The following ELL2 variants were observed in gnomAD, a reference collection of about 807,000 sequenced individuals.
ELL2 encodes elongation factor for RNA polymerase II 2, also known as RNA polymerase II elongation factor ELL2.
In ELL2, 21 loss-of-function variants were observed where a neutral mutation model predicts 72.8. That is an observed-to-expected ratio of 0.29 (90% CI 0.20 to 0.42). ELL2 has a LOEUF of 0.42. Ranked by LOEUF, ELL2 falls within the 10% of genes least tolerant of loss-of-function variation. ELL2 has a pLI of 1.00. For synonymous variants in ELL2, 266 were observed against 283.2 expected (o/e 0.94, Z 0.61); for missense variants, 568 against 772.8 (o/e 0.73, Z 3.14).
At position 95,950,902 on chromosome 5, in the gene ELL2, GTGTATATATATATATATATATATATA is replaced by G. The variant is rs1337891593; in HGVS notation, c.148-7879_148-7854del. ...TATATATATATATGTATGTATGTAT[GTGTATATATATATATATATATATATA>G]TATATATATATATATATATATATAT... On this transcript the variant is annotated intron_variant, in intron 1 of 11. Transcript: ENST00000237853. Among the ~76,000 whole-genome samples the G allele has an allele frequency of 7.6e-4, 57 of 75,034 alleles. 1 individual carries two copies. Among genetic ancestry groups the G allele is most frequent in the African/African-American group, 2.1e-3 (48 of 23,382 alleles). 49.2% of individuals were successfully genotyped at this position (75,034 alleles called of 152,430 possible).
In ELL2 at chr5:95,961,678, T is replaced by C. The variant is rs1214207672; in HGVS notation, c.44A>G (p.Tyr15Cys). ...GTGGLREEQR[Y>C]GLSCGRLGQD... ...CCCCAGCCGTCCGCACGACAGCCCA[T>C]AGCGCTGCTCCTCCCGCAGGCCCCC... The change falls in exon 1 of 12, where the codon TAT becomes TGT. Residue 15 changes from tyrosine (Y) to cysteine (C), a missense_variant. Around this residue, in one of 2 missense-constraint regions of ELL2, gnomAD observed 57 missense variants for 44.4 expected, o/e 1.28. Coordinates refer to ENST00000237853, the MANE Select transcript of ELL2 (RefSeq NM_012081.6). 4.4e-6 allele frequency: 7 copies of C among 1,606,912 alleles called. No individual in the cohort carries two copies. Among genetic ancestry groups the C allele is most frequent in the Admixed American group, 3.4e-5 (2 of 59,592 alleles).
intron 5 of ELL2, among the ~76,000 whole-genome samples, chr5:95,903,410 A>AGTTTCACCATGT (rs1265239529): frequency 1.3e-5 from 2 of 150,934 alleles, no homozygotes; most frequent in African/African-American, 4.9e-5. Context: ...GTAGAGACAG[A>AGTTTCACCATGT]GTTTCACCAT....
intron 2 of ELL2, among the ~76,000 whole-genome samples, chr5:95,937,147 G>A (rs945721244): frequency 3.3e-5 from 5 of 152,310 alleles, no homozygotes; most frequent in Non-Finnish European, 7.4e-5. Context: ...GTGAAGGACA[G>A]AGCAGGGTGA....
chr5:95,961,533 G>A (rs1042975230), intron 1 of ELL2, 42 bp downstream of exon 1: 1 of 1,509,544 alleles, frequency 6.6e-7, no homozygotes, highest in Non-Finnish European at 8.9e-7. Context: ...TGAGGGGTGC[G>A]CTCTGCCTCT....
chr5:95,915,875 G>T (rs1418384167), intron 3 of ELL2, among the ~76,000 whole-genome samples: 1 of 152,066 alleles, frequency 6.6e-6, no homozygotes, highest in Non-Finnish European at 1.5e-5. Context: ...CATCACAAAG[G>T]GCTCTGAGGG....
At position 95,900,752 on chromosome 5, in the gene ELL2, C is replaced by T. The variant is rs781410026; in HGVS notation, c.895G>A (p.Gly299Ser). 7.5e-6 allele frequency: 12 copies of T among 1,609,264 alleles called. No individual in the cohort carries two copies. The South Asian group carries it at 1.0e-4, about 13-fold the overall frequency. ...RKLNPSQNAAGTSRSESPVCS... is the reference protein window; with the variant it reads ...RKLNPSQNAASTSRSESPVCS... ...ACAGGAGATTCTGAACGGCTGGTGC[C>T]TGCAGCATTCTGAGACGGATTTAGT... is the stretch of plus-strand genomic sequence containing the variant. The change falls in exon 7 of 12, where the codon GGC becomes AGC. Residue 299 changes from glycine (G) to serine (S), a missense_variant. This residue lies in a region of ELL2 where 511 missense variants were observed against 728.4 expected (regional missense o/e 0.70). Coordinates refer to ENST00000237853, the MANE Select transcript of ELL2 (RefSeq NM_012081.6).
chr5:95,905,042 C>T (rs1350646117), intron 5 of ELL2, among the ~76,000 whole-genome samples: 1 of 152,044 alleles, frequency 6.6e-6, no homozygotes, highest in Non-Finnish European at 1.5e-5. Flanking sequence ...ATATGAGTGC[C>T]TAGGCCCCAC....
At chr5:95,903,094 T>A (rs1749202999) in intron 5 of ELL2, among the ~76,000 whole-genome samples, 1 of 151,740 alleles carries the variant, frequency 6.6e-6, no homozygotes, top group African/African-American at 2.4e-5. Context: ...CTGGCAATGC[T>A]TCCATTTTCT....
chr5:95,944,563 G>A (rs972234958), intron 1 of ELL2, among the ~76,000 whole-genome samples: 22 of 152,114 alleles, frequency 1.4e-4, no homozygotes, highest in Middle Eastern at 3.2e-3. Context: ...TTCTTAAGGC[G>A]AAAAATGCCA....
chr5:95,944,943 T>C (rs1751100216), intron 1 of ELL2, among the ~76,000 whole-genome samples: 2 of 152,216 alleles, frequency 1.3e-5, no homozygotes, highest in African/African-American at 4.8e-5. Flanking sequence ...ATATCCCCAC[T>C]GGATATCCAT....
chr5:95,950,467 GAAAT>G (rs1751330984), intron 1 of ELL2, among the ~76,000 whole-genome samples: 1 of 152,138 alleles, frequency 6.6e-6, no homozygotes. Context: ...TGATCCTGAA[GAAAT>G]AAAATACACT....
At chr5:95,916,988 C>T (rs1021325655) in intron 3 of ELL2, among the ~76,000 whole-genome samples, 5 of 152,194 alleles carry the variant, frequency 3.3e-5, no homozygotes, top group African/African-American at 7.2e-5. Context: ...GCAAAACAAA[C>T]GGAGCTAAAC....
chr5:95,937,635 C>T (rs371452998), intron 2 of ELL2, among the ~76,000 whole-genome samples: 5 of 151,940 alleles, frequency 3.3e-5, no homozygotes, highest in African/African-American at 1.2e-4. Context: ...AGGTGTAATT[C>T]AGCAAAAATA....
At chr5:95,959,389 G>A (rs1431752845) in intron 1 of ELL2, among the ~76,000 whole-genome samples, 2 of 152,076 alleles carry the variant, frequency 1.3e-5, no homozygotes, top group Admixed American at 6.6e-5. Context: ...TGGGCCTCTG[G>A]GTTTTCTCTT....
Position 95,891,173 on chromosome 5 carries a change from G to A in ELL2, c.1691C>T (p.Thr564Ile), listed in dbSNP as rs1215343376. The A allele has an allele frequency of 2.5e-6, 4 of 1,614,016 alleles. No individual in the cohort carries two copies. The highest frequency in any genetic ancestry group is 3.4e-6 in the Non-Finnish European group (4 of 1,180,032). ...EYRALHARME[T>I]VARRFIKLDA... ...TAGTTTGATAAATCTTCTAGCTACAGTCTCCATCCTGGCATGCAAAGCTCT... is the reference window on the plus strand; with the variant it reads ...TAGTTTGATAAATCTTCTAGCTACAATCTCCATCCTGGCATGCAAAGCTCT... Residue 564 changes from threonine (T) to isoleucine (I), a missense_variant, in exon 10 of 12, where the codon ACT (threonine) becomes ATT (isoleucine). Thr to Ile is a moderately conservative substitution (Grantham distance 89). This residue lies in a region of ELL2 where 511 missense variants were observed against 728.4 expected (regional missense o/e 0.70). Coordinates refer to ENST00000237853, the MANE Select transcript of ELL2 (RefSeq NM_012081.6).
chr5:95,919,672 C>T (rs535788932), intron 2 of ELL2, 127 bp from the exon 3 acceptor site: 3 of 1,107,692 alleles, frequency 2.7e-6, no homozygotes, highest in African/African-American at 3.3e-5. Flanking sequence ...TATATACATC[C>T]TCGCAGCATT....
intron 3 of ELL2, among the ~76,000 whole-genome samples, chr5:95,914,822 G>A (rs558937842): frequency 1.6e-3 from 244 of 152,190 alleles, no homozygotes; most frequent in Non-Finnish European, 2.1e-3. Context: ...TCCAGCCTGG[G>A]CAACAGAATG....
At chr5:95,896,167 A>G (rs1054721522) in intron 8 of ELL2, among the ~76,000 whole-genome samples, 1 of 152,242 alleles carries the variant, frequency 6.6e-6, no homozygotes, top group African/African-American at 2.4e-5. Flanking sequence ...TTGTATGCAG[A>G]CAGTGGAATT....
intron 4 of ELL2, among the ~76,000 whole-genome samples, chr5:95,910,050 C>T (rs1425333579): frequency 6.6e-6 from 1 of 152,196 alleles, no homozygotes; most frequent in African/African-American, 2.4e-5. Context: ...ATCTCCACCA[C>T]TTGGCATTTG....
Sources: gnomAD v4.1 joint callset for allele counts (sites outside exome capture counted in the v4.1 genomes callset) on GRCh38, gnomAD v4.1.1 for gene constraint, gnomAD v4.1.1 regional missense constraint, MANE v1.5 for transcripts, NCBI Gene and HGNC (gene_info 2026-07-23, HGNC 2026-07-21) for gene names.